The following TTC34 variants were observed in gnomAD, a reference collection of about 807,000 sequenced individuals.
TTC34 encodes tetratricopeptide repeat protein 34.
Under a neutral mutation model 40.7 loss-of-function variants are expected in TTC34, and 44 were observed. The ratio of observed to expected loss-of-function variants is 1.08; its 90% confidence interval spans 0.85 to 1.39. TTC34 has a LOEUF of 1.39. TTC34 is among the 40% of genes most tolerant of loss of function. TTC34 has a pLI of 0.00. For synonymous variants in TTC34, 422 were observed against 398.6 expected (o/e 1.06, Z -0.70); for missense variants, 884 against 838.0 (o/e 1.05, Z -0.68).
chr1:2,673,387 C>T (rs1177397518), intron 6 of TTC34, among the ~76,000 whole-genome samples: 1 of 73,954 alleles, frequency 1.4e-5, no homozygotes, highest in African/African-American at 4.9e-5. Flanking sequence ...CCTGGGTCGG[C>T]ACCCACACCC....
chr1:2,752,927 T>A (rs1348604817), intron 6 of TTC34, among the ~76,000 whole-genome samples: 98 of 43,882 alleles, frequency 2.2e-3, no homozygotes, highest in East Asian at 3.7e-3. Context: ...CTGAAACAGC[T>A]CCCACAACCC....
intron 6 of TTC34, among the ~76,000 whole-genome samples, chr1:2,685,163 A>T (rs1640270737): frequency 7.1e-6 from 1 of 140,408 alleles, no homozygotes; most frequent in Non-Finnish European, 1.5e-5. Context: ...CCACAACCCC[A>T]CGTGAGCATC....
intron 6 of TTC34, among the ~76,000 whole-genome samples, chr1:2,779,424 A>C (rs988899674): frequency 1.3e-5 from 2 of 152,204 alleles, no homozygotes; most frequent in East Asian, 3.9e-4. Context: ...CCCGGGTTCA[A>C]GCGATTCTCC....
Position 2,645,419 on chromosome 1 carries a change from C to T in TTC34, c.2371G>A (p.Asp791Asn). Residue 791 changes from aspartate to asparagine, a missense_variant, in exon 7 of 9, where the codon GAC becomes AAC. Physicochemically the swap from Asp to Asn is conservative, Grantham distance 23 (BLOSUM62 1). Coordinates refer to ENST00000401095, the Ensembl canonical transcript of TTC34. The surrounding 1 kb of genome is among the most constrained non-coding windows in gnomAD (Gnocchi z 4.7). The stretch of plus-strand genomic sequence containing the variant: ...TTGTCCTCGAGAGGGGCCCCAGTGT[C>T]TGGCAGCTGGCTCAGAAGGGCCCGG... 6.5e-7 allele frequency: 1 copy of T among 1,535,824 alleles called. No homozygotes were observed. The highest frequency in any genetic ancestry group is 8.7e-7 in the Non-Finnish European group (1 of 1,146,776).
intron 8 of TTC34, 38 bp from the exon 9 acceptor site, chr1:2,641,933 G>C (rs1195517110): frequency 7.0e-7 from 1 of 1,437,608 alleles, no homozygotes; most frequent in Admixed American, 2.7e-5. Context: ...GGAGAGTGGG[G>C]TCAGCCCCAA....
Position 2,760,994 on chromosome 1 carries a change from G to C in TTC34, c.2226+22615C>G, listed in dbSNP as rs1204701305. 5.6e-5 allele frequency among the ~76,000 whole-genome samples: 4 copies of C among 71,872 alleles called. 2 individuals carry two copies. The highest frequency in any genetic ancestry group is 4.6e-4 in the African/African-American group (4 of 8,652). 47.2% of individuals were successfully genotyped at this position (71,872 alleles called of 152,430 possible). ...GGTGAGCATCTGATAGCCTGGAGCA[G>C]CGCTCACACCCAGAGGTGAGCATAT... On this transcript the variant is annotated intron_variant, in intron 6 of 8. Coordinates refer to ENST00000401095, the Ensembl canonical transcript of TTC34.
intron 6 of TTC34, among the ~76,000 whole-genome samples, chr1:2,767,394 A>AC (rs1641800317): frequency 7.3e-6 from 1 of 137,020 alleles, no homozygotes. Context: ...CTGGAGCAGC[A>AC]CCCACACCCC....
intron 6 of TTC34, among the ~76,000 whole-genome samples, chr1:2,751,326 C>A (rs1323341411): frequency 2.6e-4 from 17 of 64,792 alleles, no homozygotes; most frequent in South Asian, 9.9e-4. Flanking sequence ...AGAACAAACA[C>A]CCCCAGGCGA....
At chr1:2,639,785 A>G (rs2100982843) in exon 9 of TTC34, 1 of 152,432 alleles carries the variant, frequency 6.6e-6, no homozygotes, top group South Asian at 2.1e-4. Flanking sequence ...TGGGCTGCCC[A>G]TCCCCGAGGT....
intron 6 of TTC34, among the ~76,000 whole-genome samples, chr1:2,768,503 AG>A: frequency 6.6e-6 from 1 of 151,432 alleles, no homozygotes; most frequent in East Asian, 1.9e-4. Context: ...CCCCGCCCTC[AG>A]GTGAGTGTCT....
chr1:2,647,914 C>T (rs763927793), intron 6 of TTC34, among the ~76,000 whole-genome samples: 15 of 152,074 alleles, frequency 9.9e-5, no homozygotes, highest in Non-Finnish European at 2.2e-4. Flanking sequence ...CCTGCTTTGG[C>T]AGTTTCCAAT....
chr1:2,699,416 A>G (rs1313686230), intron 6 of TTC34, among the ~76,000 whole-genome samples: 3 of 79,268 alleles, frequency 3.8e-5, no homozygotes, highest in Admixed American at 1.4e-4. Flanking sequence ...CCCACACCCC[A>G]AGGTGAGTAT....
intron 6 of TTC34, among the ~76,000 whole-genome samples, chr1:2,753,025 G>A (rs1211090021): frequency 1.3e-3 from 151 of 114,960 alleles, no homozygotes; most frequent in African/African-American, 2.6e-3. Flanking sequence ...CTCCAGGTGA[G>A]CATCCGACAG....
chr1:2,685,243 G>A (rs1455445919), intron 6 of TTC34, among the ~76,000 whole-genome samples: 6 of 58,262 alleles, frequency 1.0e-4, no homozygotes, highest in Non-Finnish European at 1.7e-4. Flanking sequence ...CCACACCCCA[G>A]GTGAGCATCT....
chr1:2,645,165 G>T lies in TTC34; in HGVS notation c.2497+128C>A. 1 of 1,182,398 alleles carries T rather than the reference G, an allele frequency of 8.5e-7. No homozygotes were observed. Among genetic ancestry groups the T allele is most frequent in the South Asian group, 2.2e-5 (1 of 46,026 alleles). 73.2% of individuals were successfully genotyped at this position (1,182,398 alleles called of 1,614,324 possible). A position where few individuals can be genotyped will look rare whatever the true frequency, so the allele number is the denominator to read the frequency against. ...GCCAGAGGTCATGGGATTTGGGGTG[G>T]AAGGGACCTTGGAAGCTGTTGTGGT... On this transcript the variant is annotated intron_variant, in intron 7 of 8. Transcript: ENST00000401095. This position sits in a 1 kb window ranked among gnomAD's most constrained non-coding sequence, Gnocchi z 4.7.
At chr1:2,688,309 GCC>G (rs1640465144) in intron 6 of TTC34, among the ~76,000 whole-genome samples, 1 of 81,386 alleles carries the variant, frequency 1.2e-5, no homozygotes, top group African/African-American at 7.3e-5. Context: ...GCATCTGACA[GCC>G]TGGAGCAGAA....
exon 9 of TTC34, chr1:2,641,891 G>T: frequency 6.8e-7 from 1 of 1,481,016 alleles, no homozygotes; most frequent in Non-Finnish European, 8.9e-7. Flanking sequence ...TTCCTGGGCC[G>T]CCGCCTGCAC....
At chr1:2,687,182 A>AC (rs1640400796) in intron 6 of TTC34, among the ~76,000 whole-genome samples, 1 of 142,268 alleles carries the variant, frequency 7.0e-6, no homozygotes. Context: ...CGAGCATCTG[A>AC]ACCCACGGAG....
At position 2,796,815 on chromosome 1, in the gene TTC34, C is replaced by G. The variant is rs951853975; in HGVS notation, c.784+3229G>C. 1.3e-5 allele frequency among the ~76,000 whole-genome samples: 2 copies of G among 150,374 alleles called. No individual in the cohort carries two copies. Among genetic ancestry groups the G allele is most frequent in the African/African-American group, 4.8e-5 (2 of 41,350 alleles). On this transcript the variant is annotated intron_variant, in intron 2 of 8. Transcript: ENST00000401095. The surrounding 1 kb of genome is among the most constrained non-coding windows in gnomAD (Gnocchi z 4.5). The stretch of plus-strand genomic sequence containing the variant: ...TCTGGTAATGCTCAACATATTTGAG[C>G]ATATTTCCAGAAACAAATTTTCCTG...
Sources: gnomAD v4.1 joint callset for allele counts (sites outside exome capture counted in the v4.1 genomes callset) on GRCh38, gnomAD v4.1.1 for gene constraint, Gnocchi (gnomAD v3.1) non-coding constraint, MANE v1.5 for transcripts, NCBI Gene and HGNC (gene_info 2026-07-23, HGNC 2026-07-21) for gene names.